Variants in THSD7B observed in about 807,000 individuals in gnomAD.
THSD7B encodes thrombospondin type-1 domain-containing protein 7B.
A neutral mutation model predicts 213.6 loss-of-function variants in THSD7B; 138 were observed. That is an observed-to-expected ratio of 0.65 (90% CI 0.56 to 0.74). The LOEUF (loss-of-function observed/expected upper bound fraction) is 0.74, where lower values mean the gene tolerates loss of function less well. THSD7B is among the 30% of genes least tolerant of loss of function. The probability of loss-of-function intolerance (pLI) is 0.00; values close to 1 mark genes in which losing one functional copy is unlikely to be tolerated. For missense variants in THSD7B, 1,931 were observed against 1,991.5 expected, an observed-to-expected ratio of 0.97 and a Z score of 0.58; for synonymous variants, 742 against 687.0, an observed-to-expected ratio of 1.08 and a Z score of -1.25.
chr2:137,644,844 C>T (rs1461349668), intron 21 of THSD7B, among the ~76,000 whole-genome samples: 1 of 152,156 alleles, frequency 6.6e-6, no homozygotes, highest in Non-Finnish European at 1.5e-5. Context: ...AGTATCAACC[C>T]ATAATAAAAG....
chr2:136,944,546 C>T (rs1684894865), intron 2 of THSD7B, among the ~76,000 whole-genome samples: 1 of 152,088 alleles, frequency 6.6e-6, no homozygotes, highest in African/African-American at 2.4e-5. Context: ...TAAGGACTTG[C>T]TTTATGAATC....
chr2:137,614,109 A>G (rs114356602), intron 17 of THSD7B, among the ~76,000 whole-genome samples: 2,987 of 152,232 alleles, frequency 0.02, 43 homozygotes, highest in Middle Eastern at 0.071. Context: ...GTAGGGGAGT[A>G]AGGTGCAGTG....
At chr2:137,493,122 C>CAAAA (rs376770053) in intron 15 of THSD7B, among the ~76,000 whole-genome samples, 1,256 of 44,144 alleles carry the variant, frequency 0.028, 189 homozygotes, top group Middle Eastern at 0.071. Flanking sequence ...CTCTCTCTCT[C>CAAAA]AAAAAAAAAA....
At chr2:136,876,913 T>G (rs1683534254) in intron 1 of THSD7B, among the ~76,000 whole-genome samples, 1 of 152,184 alleles carries the variant, frequency 6.6e-6, no homozygotes, top group Non-Finnish European at 1.5e-5. Flanking sequence ...TAACACGCTC[T>G]GGGGTCTCTG....
intron 10 of THSD7B, among the ~76,000 whole-genome samples, chr2:137,244,848 A>G (rs771385892): frequency 6.6e-6 from 1 of 152,228 alleles, no homozygotes; most frequent in Non-Finnish European, 1.5e-5. Flanking sequence ...TGGGTTAATT[A>G]CAGGACACTA....
At chr2:137,407,393 G>A (rs554229352) in intron 13 of THSD7B, among the ~76,000 whole-genome samples, 54 of 151,700 alleles carry the variant, frequency 3.6e-4, no homozygotes, top group Non-Finnish European at 5.4e-4. Flanking sequence ...TTATGTCTAC[G>A]TGGCACCAAA....
At chr2:137,387,582 A>G (rs1685925236) in intron 12 of THSD7B, among the ~76,000 whole-genome samples, 1 of 152,190 alleles carries the variant, frequency 6.6e-6, no homozygotes, top group Non-Finnish European at 1.5e-5. Context: ...GAAGTATATA[A>G]ATGTCTTCCC....
rs548910641 is a variant in THSD7B at position 137,155,539 on chromosome 2, C to G, written c.1370-4674C>G. The stretch of plus-strand genomic sequence containing the variant: ...CAAAGAGAACTGAAGACTCAGTAGA[C>G]AGTAAATTCCATAGATCACCCAACT... On this transcript the variant is annotated intron_variant, in intron 5 of 27. Transcript: ENST00000409968. 1.8e-4 allele frequency among the ~76,000 whole-genome samples: 28 copies of G among 152,286 alleles called. No individual in the cohort carries two copies. The East Asian group carries it at 4.6e-3, about 25-fold the overall frequency.
At position 137,223,442 on chromosome 2, in the gene THSD7B, A is replaced by G. The variant is rs368514325; in HGVS notation, c.1724-7602A>G. Among the ~76,000 whole-genome samples, 44 of 152,290 alleles carry G rather than the reference A, an allele frequency of 2.9e-4. 1 individual carries two copies. In the South Asian group the frequency reaches 6.2e-3, roughly 22 times the overall value. ...ATGAGAAAAGAGACAGAGGAGAAAC[A>G]TTGAAAACCTGAGATTGAGTTAAAA... On this transcript the variant is annotated intron_variant, in intron 7 of 27. Transcript: ENST00000409968.
At chr2:136,850,916 A>G (rs149256664) in intron 1 of THSD7B, among the ~76,000 whole-genome samples, 384 of 152,174 alleles carry the variant, frequency 2.5e-3, no homozygotes, top group African/African-American at 8.9e-3. Context: ...GAACTCAGCC[A>G]GGAGTGATAA....
At chr2:137,361,813 G>T (rs1046785046) in intron 12 of THSD7B, among the ~76,000 whole-genome samples, 1 of 152,138 alleles carries the variant, frequency 6.6e-6, no homozygotes, top group African/African-American at 2.4e-5. Context: ...CACTCTTCAG[G>T]ATATTATCCA....
At chr2:137,046,391 G>A (rs1686970180) in intron 2 of THSD7B, among the ~76,000 whole-genome samples, 1 of 152,048 alleles carries the variant, frequency 6.6e-6, no homozygotes, top group Admixed American at 6.6e-5. Flanking sequence ...AGGGTGAGTG[G>A]GGATGAATGT....
chr2:137,182,741 T>A (rs1680478730), intron 7 of THSD7B, among the ~76,000 whole-genome samples: 1 of 152,142 alleles, frequency 6.6e-6, no homozygotes, highest in Non-Finnish European at 1.5e-5. Context: ...TCATTTTACG[T>A]CCTTCCTTTC....
chr2:136,907,563 TGAAG>T (rs1419236658), intron 2 of THSD7B, among the ~76,000 whole-genome samples: 1 of 152,172 alleles, frequency 6.6e-6, no homozygotes, highest in Non-Finnish European at 1.5e-5. Context: ...ATAAGAACCA[TGAAG>T]GAAGTCATTT....
chr2:137,660,726 G>A (rs1265740075), intron 25 of THSD7B, among the ~76,000 whole-genome samples: 3 of 152,170 alleles, frequency 2.0e-5, no homozygotes, highest in African/African-American at 7.2e-5. Context: ...GATGCATCTT[G>A]AGAATATGGC....
intron 15 of THSD7B, among the ~76,000 whole-genome samples, chr2:137,552,571 T>A (rs946021457): frequency 1.3e-5 from 2 of 152,142 alleles, no homozygotes; most frequent in Admixed American, 1.3e-4. Context: ...AGCTATAAAG[T>A]TCTACACTGT....
intron 17 of THSD7B, among the ~76,000 whole-genome samples, chr2:137,611,005 T>TAAATAAA (rs140852009): frequency 0.19 from 28,473 of 146,230 alleles, 3,392 homozygotes; most frequent in African/African-American, 0.33. Context: ...ATAATAATAA[T>TAAATAAA]AAATAAAAAA....
At chr2:137,181,758 A>G (rs1048309464) in intron 7 of THSD7B, among the ~76,000 whole-genome samples, 2 of 152,110 alleles carry the variant, frequency 1.3e-5, no homozygotes, top group Non-Finnish European at 2.9e-5. Flanking sequence ...ATTGACAGTC[A>G]TGTCCCCTCA....
intron 1 of THSD7B, among the ~76,000 whole-genome samples, chr2:136,850,510 C>T (rs948325817): frequency 3.3e-5 from 5 of 151,984 alleles, no homozygotes; most frequent in Non-Finnish European, 5.9e-5. Context: ...GTTCTGGTGA[C>T]TCTACCATTA....
Sources: gnomAD v4.1 joint callset for allele counts (sites outside exome capture counted in the v4.1 genomes callset) on GRCh38, gnomAD v4.1.1 for gene constraint, MANE v1.5 for transcripts, NCBI Gene and HGNC (gene_info 2026-07-23, HGNC 2026-07-21) for gene names.